The following SCAMP1 variants were observed in gnomAD, a reference collection of about 807,000 sequenced individuals.
SCAMP1 encodes secretory carrier membrane protein 1, also known as secretory carrier-associated membrane protein 1.
SCAMP1 carries 15 observed loss-of-function variants against 41.8 expected under a neutral mutation model. That is an observed-to-expected ratio of 0.36 (90% CI 0.24 to 0.55). The LOEUF is 0.55. Ranked by LOEUF, SCAMP1 falls within the 20% of genes least tolerant of loss-of-function variation. The probability of loss-of-function intolerance (pLI) is 0.86; values close to 1 mark genes in which losing one functional copy is unlikely to be tolerated. For missense variants in SCAMP1, 341 were observed against 412.6 expected (o/e 0.83, Z 1.50); for synonymous variants, 135 against 136.8 (o/e 0.99, Z 0.09).
At chr5:78,364,688 A>C (rs1750748726) in intron 1 of SCAMP1, among the ~76,000 whole-genome samples, 1 of 152,150 alleles carries the variant, frequency 6.6e-6, no homozygotes, top group Non-Finnish European at 1.5e-5. Flanking sequence ...ATAGGATTAA[A>C]AAATTTTGGC....
At position 78,365,964 on chromosome 5, in the gene SCAMP1, C is replaced by T. The variant is rs76342945; in HGVS notation, c.57+5236C>T. Among the ~76,000 whole-genome samples the T allele has an allele frequency of 3.9e-3, 590 of 152,148 alleles. 4 individuals carry two copies. The highest frequency in any genetic ancestry group is 0.013 in the African/African-American group (548 of 41,488). ...GCTGCTGTAACAAAGTATAGTACCT[C>T]ACAGTGGGTAATTTATAAACAACAG... On this transcript the variant is annotated intron_variant, in intron 1 of 8. Transcript: ENST00000621999.
chr5:78,408,375 CGTG>C lies in SCAMP1; in HGVS notation c.136-7143_136-7141del, dbSNP rs1437915143. On this transcript the variant is annotated intron_variant, in intron 2 of 8. Coordinates refer to ENST00000621999, the MANE Select transcript of SCAMP1 (RefSeq NM_004866.6). ...CTCCCACCAGGCCCCTCCCATGACACGTGGGAATTATGGGAGCTGCAATTCAAG... is the reference window on the plus strand; with the variant it reads ...CTCCCACCAGGCCCCTCCCATGACACGGAATTATGGGAGCTGCAATTCAAG... Among the ~76,000 whole-genome samples, 8 of 152,222 alleles carry C rather than the reference CGTG, an allele frequency of 5.3e-5. No homozygotes were observed. In the South Asian group the frequency reaches 1.5e-3, roughly 28 times the overall value.
chr5:78,470,404 A>C (rs1753858582), intron 8 of SCAMP1, among the ~76,000 whole-genome samples: 1 of 152,142 alleles, frequency 6.6e-6, no homozygotes, highest in South Asian at 2.1e-4. Flanking sequence ...ATTTCATATA[A>C]ATGGAGTTAT....
chr5:78,364,860 A>T (rs1750753296), intron 1 of SCAMP1, among the ~76,000 whole-genome samples: 1 of 127,616 alleles, frequency 7.8e-6, no homozygotes, highest in African/African-American at 3.0e-5. Context: ...CAGGGTGGGG[A>T]ACATCACACA....
At chr5:78,398,323 C>T (rs1248841797) in intron 2 of SCAMP1, among the ~76,000 whole-genome samples, 2 of 149,392 alleles carry the variant, frequency 1.3e-5, no homozygotes, top group Non-Finnish European at 3.0e-5. Context: ...CCATAATCAC[C>T]CAAAGTCTAT....
intron 1 of SCAMP1, among the ~76,000 whole-genome samples, chr5:78,378,493 C>T (rs916544228): frequency 6.6e-6 from 1 of 152,198 alleles, no homozygotes; most frequent in Non-Finnish European, 1.5e-5. Flanking sequence ...GTTCATTCCT[C>T]TGGAGAATTT....
intron 2 of SCAMP1, among the ~76,000 whole-genome samples, chr5:78,406,856 T>C (rs1363237294): frequency 1.3e-5 from 2 of 152,318 alleles, no homozygotes; most frequent in South Asian, 4.1e-4. Flanking sequence ...CCAGACTTTG[T>C]TTTTGATTCT....
chr5:78,446,133 C>T (rs937662252), intron 6 of SCAMP1, among the ~76,000 whole-genome samples: 1 of 152,140 alleles, frequency 6.6e-6, no homozygotes, highest in African/African-American at 2.4e-5. Context: ...TTCATTTGAT[C>T]AGTTTTGTAC....
chr5:78,459,452 G>A (rs1753527125), intron 8 of SCAMP1, 90 bp downstream of exon 8: 3 of 675,132 alleles, frequency 4.4e-6, no homozygotes, highest in Non-Finnish European at 7.7e-6. Context: ...GTAACCTGAA[G>A]CCATTTTATC....
chr5:78,373,702 T>C (rs1750999638), intron 1 of SCAMP1, among the ~76,000 whole-genome samples: 1 of 152,150 alleles, frequency 6.6e-6, no homozygotes, highest in African/African-American at 2.4e-5. Flanking sequence ...AGCTCAGATA[T>C]GGTACTACAA....
chr5:78,363,048 ACAC>A (rs1416896650), intron 1 of SCAMP1, among the ~76,000 whole-genome samples: 8 of 149,674 alleles, frequency 5.3e-5, no homozygotes, highest in East Asian at 2.0e-4. Flanking sequence ...GCCCGCCACC[ACAC>A]CCGGCTAATT....
intron 8 of SCAMP1, among the ~76,000 whole-genome samples, chr5:78,466,302 C>G (rs1243799727): frequency 1.3e-5 from 2 of 152,156 alleles, no homozygotes; most frequent in African/African-American, 2.4e-5. Context: ...CCCCCCAATT[C>G]AGTTATTTAA....
intron 6 of SCAMP1, among the ~76,000 whole-genome samples, chr5:78,437,324 A>G (rs142210378): frequency 0.036 from 5,509 of 152,296 alleles, 319 homozygotes; most frequent in African/African-American, 0.12. Context: ...GTTTTTGTCC[A>G]TTCAGTATGA....
intron 6 of SCAMP1, among the ~76,000 whole-genome samples, chr5:78,448,867 G>A (rs1203819851): frequency 6.6e-6 from 1 of 152,102 alleles, no homozygotes; most frequent in East Asian, 1.9e-4. Flanking sequence ...GGGCATGGTG[G>A]CCCATGCCTG....
At chr5:78,458,002 T>C (rs111941855) in intron 7 of SCAMP1, 4,974 of 152,958 alleles carry the variant, frequency 0.033, 254 homozygotes, top group African/African-American at 0.11. Context: ...CCCTGACCTC[T>C]TGCGCTTCCC....
At chr5:78,409,129 C>T (rs1159607100) in intron 2 of SCAMP1, among the ~76,000 whole-genome samples, 2 of 152,118 alleles carry the variant, frequency 1.3e-5, no homozygotes, top group African/African-American at 4.8e-5. Flanking sequence ...AAAGCTTTGT[C>T]TCTAGTTTAC....
intron 1 of SCAMP1, among the ~76,000 whole-genome samples, chr5:78,387,452 T>C (rs2112082666): frequency 6.6e-6 from 1 of 152,236 alleles, no homozygotes. Context: ...TCTGAATTTT[T>C]TTTCTGGAAG....
At position 78,404,453 on chromosome 5, in the gene SCAMP1, G is replaced by GTTTT. The variant is rs3058233; in HGVS notation, c.136-11050_136-11047dup. On this transcript the variant is annotated intron_variant, in intron 2 of 8. Transcript: ENST00000621999. ...TGAGCCACTGTGCCCAGCCTTACAG[G>GTTTT]TTTTTTTTTTTTTTTTTTTTGCTAG... 8.2e-3 allele frequency among the ~76,000 whole-genome samples: 801 copies of GTTTT among 98,132 alleles called. 68 individuals are homozygous for GTTTT. Among genetic ancestry groups the GTTTT allele is most frequent in the African/African-American group, 0.033 (738 of 22,194 alleles). 64.4% of individuals were successfully genotyped at this position (98,132 alleles called of 152,430 possible).
chr5:78,416,927 G>A (rs1752224733), intron 4 of SCAMP1, among the ~76,000 whole-genome samples: 1 of 152,216 alleles, frequency 6.6e-6, no homozygotes, highest in South Asian at 2.1e-4. Context: ...GAGGCCAGGA[G>A]CCTTTGATTC....
Sources: gnomAD v4.1 joint callset for allele counts (sites outside exome capture counted in the v4.1 genomes callset) on GRCh38, gnomAD v4.1.1 for gene constraint, MANE v1.5 for transcripts, NCBI Gene and HGNC (gene_info 2026-07-23, HGNC 2026-07-21) for gene names.